The following ADAMTS9 variants were observed in gnomAD, a reference collection of about 807,000 sequenced individuals.
ADAMTS9 encodes the protein ADAM metallopeptidase with thrombospondin type 1 motif 9.
Under a neutral mutation model 257.1 loss-of-function variants are expected in ADAMTS9, and 107 were observed. That is an observed-to-expected ratio of 0.42 (90% confidence interval 0.36 to 0.49). The LOEUF (loss-of-function observed/expected upper bound fraction) is 0.49. Among genes scored for constraint, ADAMTS9 ranks in the 20% least tolerant of loss-of-function variants. The pLI, the probability that ADAMTS9 is intolerant of heterozygous loss-of-function variation, is 0.03. For synonymous variants in ADAMTS9, 982 were observed against 880.9 expected (o/e 1.11, Z -2.03); for missense variants, 2,353 against 2,469.1 (o/e 0.95, Z 1.00).
At chr3:64,554,482 T>C (rs2083306642) in intron 30 of ADAMTS9, among the ~76,000 whole-genome samples, 1 of 152,174 alleles carries the variant, frequency 6.6e-6, no homozygotes, top group Non-Finnish European at 1.5e-5. Flanking sequence ...TCAGGTTTCA[T>C]CAGCTTTTTG....
At chr3:64,636,241 G>A (rs760295580) in intron 12 of ADAMTS9, among the ~76,000 whole-genome samples, 15 of 152,058 alleles carry the variant, frequency 9.9e-5, no homozygotes, top group Non-Finnish European at 1.9e-4. Context: ...CTATAACATG[G>A]CAAGTAGTAT....
At position 64,596,686 on chromosome 3, in the gene ADAMTS9, TAAG is replaced by T; in HGVS notation, c.4179+141_4179+143del. 4.0e-6 allele frequency: 4 copies of T among 994,680 alleles called. No homozygotes were observed. The South Asian group carries it at 5.1e-5, about 13-fold the overall frequency. 61.6% of individuals were successfully genotyped at this position (994,680 alleles called of 1,614,324 possible). On this transcript the variant is annotated intron_variant, in intron 27 of 39. Transcript: ENST00000498707. ...GAACACTTTAAAATAGTCCAGAATT[TAAG>T]AAGACAGGTTTCCTAGTTAATCCCC...
At chr3:64,529,058 C>G (rs73118165) in intron 38 of ADAMTS9, among the ~76,000 whole-genome samples, 11 of 152,328 alleles carry the variant, frequency 7.2e-5, no homozygotes, top group Non-Finnish European at 1.5e-4. Context: ...ACCACCTGCT[C>G]AACTTAACAT....
At position 64,616,521 on chromosome 3, in the gene ADAMTS9, T is replaced by C. The variant is rs565281348; in HGVS notation, c.2814-351A>G. ...TTATCTGTAAATAAAGGCTCTTAAA[T>C]TCCTTGAAGACATGGACTATATTTT... On this transcript the variant is annotated intron_variant, in intron 19 of 39. Coordinates refer to ENST00000498707, the MANE Select transcript of ADAMTS9 (RefSeq NM_182920.2). Among the ~76,000 whole-genome samples, 11 of 142,576 alleles carry C rather than the reference T, an allele frequency of 7.7e-5. No homozygotes were observed. In the South Asian group the frequency reaches 2.1e-3, roughly 28 times the overall value. The allele number at this position is 142,576 out of a possible 152,430, so 93.5% of individuals were successfully genotyped here.
At chr3:64,626,354 G>A (rs1017744028) in intron 16 of ADAMTS9, among the ~76,000 whole-genome samples, 7 of 152,250 alleles carry the variant, frequency 4.6e-5, no homozygotes, top group Middle Eastern at 3.4e-3. Context: ...GTCAACAAAC[G>A]TTTGTTAAAT....
At chr3:64,643,395 A>G (rs556374785) in intron 11 of ADAMTS9, among the ~76,000 whole-genome samples, 1 of 149,214 alleles carries the variant, frequency 6.7e-6, no homozygotes, top group Non-Finnish European at 1.5e-5. Context: ...AGCCCAATCT[A>G]TCTAACACAT....
At chr3:64,627,308 C>G (rs1024865372) in intron 16 of ADAMTS9, among the ~76,000 whole-genome samples, 1 of 151,830 alleles carries the variant, frequency 6.6e-6, no homozygotes, top group African/African-American at 2.4e-5. Flanking sequence ...AAGAGAGGAG[C>G]ACAAATGATA....
intron 22 of ADAMTS9, among the ~76,000 whole-genome samples, chr3:64,607,683 G>C (rs1452967069): frequency 6.6e-6 from 1 of 152,094 alleles, no homozygotes; most frequent in Non-Finnish European, 1.5e-5. Flanking sequence ...TCCAAGAATT[G>C]GTCCCTCCAC....
chr3:64,679,782 G>A (rs1420782265), intron 3 of ADAMTS9, among the ~76,000 whole-genome samples: 1 of 152,298 alleles, frequency 6.6e-6, no homozygotes, highest in East Asian at 1.9e-4. Flanking sequence ...GATTTGGGAA[G>A]TCAAGAAGTT....
intron 38 of ADAMTS9, among the ~76,000 whole-genome samples, chr3:64,529,235 G>A (rs2082947649): frequency 6.6e-6 from 1 of 152,110 alleles, no homozygotes; most frequent in Non-Finnish European, 1.5e-5. Flanking sequence ...TGTTCACAAG[G>A]AAGTCAACAG....
chr3:64,552,938 C>T (rs1269333190), intron 30 of ADAMTS9, among the ~76,000 whole-genome samples: 1 of 152,148 alleles, frequency 6.6e-6, no homozygotes, highest in Non-Finnish European at 1.5e-5. Flanking sequence ...ATCTAATGGG[C>T]AGCCTTTCCT....
Position 64,613,402 on chromosome 3 carries a change from A to C in ADAMTS9, c.3297T>G (p.Ser1099=), listed in dbSNP as rs780110873. ...RMCDPETKPT[S]MQTCQQPECA... ...ATTCCGGCTGCTGACAAGTCTGCATAGATGTTGGCTTGGTCTCAGGGTCAC... is the reference window on the plus strand; with the variant it reads ...ATTCCGGCTGCTGACAAGTCTGCATCGATGTTGGCTTGGTCTCAGGGTCAC... Residue 1099 remains serine (S), a synonymous_variant, in exon 22 of 40, where the codon TCT becomes TCG. Coordinates refer to ENST00000498707, the MANE Select transcript of ADAMTS9 (RefSeq NM_182920.2). The C allele has an allele frequency of 1.1e-5, 17 of 1,613,930 alleles. No individual in the cohort carries two copies. Among genetic ancestry groups the C allele is most frequent in the Non-Finnish European group, 1.4e-5 (17 of 1,179,934 alleles).
At chr3:64,550,675 G>T in intron 31 of ADAMTS9, 1 of 562,992 alleles carries the variant, frequency 1.8e-6, no homozygotes, top group Non-Finnish European at 3.1e-6. Flanking sequence ...AGACCTGAAG[G>T]GACTTAGAGA....
chr3:64,578,505 A>G (rs1259791651), intron 28 of ADAMTS9, among the ~76,000 whole-genome samples: 3 of 152,204 alleles, frequency 2.0e-5, no homozygotes, highest in Admixed American at 6.5e-5. Context: ...TGTAGTGGCT[A>G]TGAATACGGT....
intron 28 of ADAMTS9, chr3:64,568,791 A>C (rs1457765826): frequency 2.7e-6 from 1 of 371,626 alleles, no homozygotes; most frequent in Non-Finnish European, 4.8e-6. Context: ...AAATCCTGAG[A>C]ATTGGAGCCA....
chr3:64,603,968 C>G lies in ADAMTS9; in HGVS notation c.3701G>C (p.Cys1234Ser). 6.2e-7 allele frequency: 1 copy of G among 1,614,042 alleles called. No individual in the cohort carries two copies. Among genetic ancestry groups the G allele is most frequent in the Non-Finnish European group, 8.5e-7 (1 of 1,179,984 alleles). ...TLPRPVAKEE[C>S]SVTPCGQWKA... ...CCATTGCCCACAGGGTGTCACAGAA[C>G]ATTCTTCCTTTGCCACTGGTCTAGG... The change falls in exon 25 of 40, where the codon TGT (cysteine) becomes TCT (serine). Residue 1234 changes from cysteine to serine, a missense_variant. Coordinates refer to ENST00000498707, the MANE Select transcript of ADAMTS9 (RefSeq NM_182920.2).
At chr3:64,672,638 G>A (rs575922800) in intron 3 of ADAMTS9, among the ~76,000 whole-genome samples, 15 of 151,922 alleles carry the variant, frequency 9.9e-5, no homozygotes, top group African/African-American at 2.2e-4. Context: ...GGTCAAGATC[G>A]CGCCACTGCA....
At chr3:64,654,219 C>G (rs759384014) in intron 8 of ADAMTS9, 134 bp downstream of exon 8, 5 of 905,410 alleles carry the variant, frequency 5.5e-6, no homozygotes, top group Non-Finnish European at 8.6e-6. Flanking sequence ...GTTCAAAGCT[C>G]TTCAACCCTG....
chr3:64,553,332 C>G (rs2083292986), intron 30 of ADAMTS9, among the ~76,000 whole-genome samples: 1 of 152,180 alleles, frequency 6.6e-6, no homozygotes, highest in African/African-American at 2.4e-5. Flanking sequence ...CCTGACTTCT[C>G]TCCCTTAATG....
Sources: gnomAD v4.1 joint callset for allele counts (sites outside exome capture counted in the v4.1 genomes callset) on GRCh38, gnomAD v4.1.1 for gene constraint, MANE v1.5 for transcripts, NCBI Gene and HGNC (gene_info 2026-07-23, HGNC 2026-07-21) for gene names.